Variants in MYRIP observed in about 807,000 individuals in gnomAD.
The protein encoded by MYRIP is myosin VIIA and Rab interacting protein, also known as rab effector MyRIP.
Under a neutral mutation model 98.0 loss-of-function variants are expected in MYRIP, and 49 were observed. The observed-to-expected ratio is 0.50, with a 90% CI of 0.40 to 0.63. The LOEUF (loss-of-function observed/expected upper bound fraction) is 0.63, where lower values mean the gene tolerates loss of function less well. MYRIP is among the 30% of genes least tolerant of loss of function. The pLI is 0.00. For missense variants in MYRIP, 1,004 were observed against 1,058.2 expected, an observed-to-expected ratio of 0.95 and a Z score of 0.71; for synonymous variants, 404 against 409.5, an observed-to-expected ratio of 0.99 and a Z score of 0.16.
chr3:39,905,421 G>T (rs1943854803), intron 2 of MYRIP, among the ~76,000 whole-genome samples: 1 of 152,052 alleles, frequency 6.6e-6, no homozygotes, highest in Non-Finnish European at 1.5e-5. Flanking sequence ...TATTACCCTT[G>T]TCTTTTGTTT....
At chr3:40,194,748 A>AT (rs996559515) in intron 10 of MYRIP, among the ~76,000 whole-genome samples, 2 of 151,914 alleles carry the variant, frequency 1.3e-5, no homozygotes, top group African/African-American at 4.8e-5. Context: ...AGTTTTATAG[A>AT]TTTTTTTCAA....
intron 3 of MYRIP, among the ~76,000 whole-genome samples, chr3:40,120,175 T>A (rs1949371769): frequency 6.6e-6 from 1 of 152,100 alleles, no homozygotes; most frequent in South Asian, 2.1e-4. Flanking sequence ...AATGGTGAAG[T>A]TTTATTATAT....
intron 1 of MYRIP, among the ~76,000 whole-genome samples, chr3:39,883,610 C>A (rs1299165168): frequency 1.3e-5 from 2 of 151,716 alleles, no homozygotes; most frequent in Non-Finnish European, 2.9e-5. Flanking sequence ...TATAATAAAG[C>A]AGCACATCTA....
chr3:39,852,677 C>A lies in MYRIP; in HGVS notation c.-31+42761C>A, dbSNP rs75306519. On this transcript the variant is annotated intron_variant, in intron 1 of 16. Transcript: ENST00000302541. The stretch of plus-strand genomic sequence containing the variant: ...AGTTACGTCACTTAGAATAATGGTC[C>A]CCAACTCCATCCAGGTTGCTGTGAA... 8.3e-4 allele frequency among the ~76,000 whole-genome samples: 127 copies of A among 152,154 alleles called. No homozygotes were observed. In the East Asian group the frequency reaches 0.023, roughly 27 times the overall value.
At chr3:39,994,375 C>T (rs1355314818) in intron 2 of MYRIP, among the ~76,000 whole-genome samples, 4 of 152,250 alleles carry the variant, frequency 2.6e-5, no homozygotes, top group East Asian at 1.9e-4. Context: ...TAGCAAATGG[C>T]ACACCTGGAG....
chr3:39,875,032 C>G (rs1464376483), intron 1 of MYRIP, among the ~76,000 whole-genome samples: 4 of 152,138 alleles, frequency 2.6e-5, no homozygotes, highest in Admixed American at 2.6e-4. Flanking sequence ...TGTTATTGGT[C>G]TATTCAGAGA....
chr3:39,810,140 G>C (rs1940621217), intron 1 of MYRIP, among the ~76,000 whole-genome samples: 1 of 152,240 alleles, frequency 6.6e-6, no homozygotes, highest in Non-Finnish European at 1.5e-5. Context: ...GATCATCGCG[G>C]AGCCAGAATC....
chr3:39,973,617 C>A (rs62264385), intron 2 of MYRIP, among the ~76,000 whole-genome samples: 1 of 152,114 alleles, frequency 6.6e-6, no homozygotes, highest in Non-Finnish European at 1.5e-5. Flanking sequence ...CAGCACCACA[C>A]CACACTTATT....
chr3:40,077,512 G>A (rs1004979683), intron 3 of MYRIP, among the ~76,000 whole-genome samples: 9 of 152,336 alleles, frequency 5.9e-5, no homozygotes, highest in Admixed American at 5.2e-4. Flanking sequence ...GATACTGTGT[G>A]TGGACACAAA....
chr3:40,074,489 T>C (rs1287786961), intron 3 of MYRIP, among the ~76,000 whole-genome samples: 1 of 152,160 alleles, frequency 6.6e-6, no homozygotes, highest in East Asian at 1.9e-4. Flanking sequence ...AAATCTGTCC[T>C]CTGAGGAAAT....
At chr3:40,042,955 A>G (rs914905794) in intron 2 of MYRIP, among the ~76,000 whole-genome samples, 2 of 152,182 alleles carry the variant, frequency 1.3e-5, no homozygotes. Context: ...TCCACCATAG[A>G]ATATCTCCCT....
intron 3 of MYRIP, among the ~76,000 whole-genome samples, chr3:40,050,104 A>G (rs1947758840): frequency 1.3e-5 from 2 of 152,204 alleles, no homozygotes; most frequent in Admixed American, 1.3e-4. Context: ...CAGGTTATCC[A>G]GAAGATCTAG....
At chr3:40,138,165 CA>C (rs548954441) in intron 3 of MYRIP, among the ~76,000 whole-genome samples, 37 of 152,362 alleles carry the variant, frequency 2.4e-4, no homozygotes, top group African/African-American at 7.0e-4. Flanking sequence ...CATTGCGGCA[CA>C]TATCCCCTCC....
rs117597967 is a variant in MYRIP at position 39,844,109 on chromosome 3, C to T, written c.-31+34193C>T. Among the ~76,000 whole-genome samples, 375 of 152,282 alleles carry T rather than the reference C, an allele frequency of 2.5e-3. 5 individuals are homozygous for T. In the East Asian group the frequency reaches 0.025, roughly 10 times the overall value. On this transcript the variant is annotated intron_variant, in intron 1 of 16. Coordinates refer to ENST00000302541, the MANE Select transcript of MYRIP (RefSeq NM_015460.4). ...CATTCAAATAACATCGCATTATGCC[C>T]ATTCTGAAAGGTTCACCCACATGCC...
chr3:40,026,933 C>T (rs11711016), intron 2 of MYRIP, among the ~76,000 whole-genome samples: 75,537 of 151,906 alleles, frequency 0.5, 20,434 homozygotes, highest in East Asian at 0.67. Flanking sequence ...GTTCTTAGGC[C>T]CTCTTTTCCC....
chr3:40,220,705 C>T (rs949108138), intron 11 of MYRIP, among the ~76,000 whole-genome samples: 2 of 152,018 alleles, frequency 1.3e-5, no homozygotes, highest in African/African-American at 4.8e-5. Flanking sequence ...GTTCTGCAGG[C>T]TCTACAGGAA....
chr3:40,094,608 A>G (rs1948790539), intron 3 of MYRIP, among the ~76,000 whole-genome samples: 1 of 152,176 alleles, frequency 6.6e-6, no homozygotes, highest in African/African-American at 2.4e-5. Context: ...ACCTGTGGCT[A>G]TTCCTGCCCA....
intron 8 of MYRIP, 22 bp downstream of exon 8, chr3:40,170,115 G>T (rs761973506): frequency 1.9e-6 from 3 of 1,613,050 alleles, no homozygotes; most frequent in East Asian, 2.2e-5. Flanking sequence ...AGCAGTGCTG[G>T]TCTACCCTCC....
chr3:40,174,558 TTGTC>T (rs1385668626), intron 8 of MYRIP: 3 of 152,320 alleles, frequency 2.0e-5, no homozygotes, highest in Admixed American at 1.3e-4. Flanking sequence ...GCCTTCATGA[TTGTC>T]TGTGGTCACG....
Sources: gnomAD v4.1 joint callset for allele counts (sites outside exome capture counted in the v4.1 genomes callset) on GRCh38, gnomAD v4.1.1 for gene constraint, MANE v1.5 for transcripts, NCBI Gene and HGNC (gene_info 2026-07-23, HGNC 2026-07-21) for gene names.